ZFYVE28: variants seen among roughly 807,000 people sequenced by gnomAD.
ZFYVE28 encodes lateral signaling target protein 2 homolog.
In ZFYVE28, 40 loss-of-function variants were observed where a neutral mutation model predicts 82.1. The observed-to-expected ratio is 0.49, with a 90% CI of 0.38 to 0.63. ZFYVE28 has a LOEUF of 0.63. Among genes scored for constraint, ZFYVE28 ranks in the 30% least tolerant of loss-of-function variants. The pLI is 0.00. For missense variants in ZFYVE28, 1,321 were observed against 1,242.1 expected (o/e 1.06, Z -0.96); for synonymous variants, 612 against 546.1 (o/e 1.12, Z -1.68).
Position 2,269,776 on chromosome 4 carries a change from G to A in ZFYVE28, c.*949C>T, listed in dbSNP as rs1735764749. 1 of 152,192 alleles carries A rather than the reference G, an allele frequency of 6.6e-6. No homozygotes were observed. The highest frequency in any genetic ancestry group is 6.5e-5 in the Admixed American group (1 of 15,278). The allele number at this position is 152,192 out of a possible 1,614,324, so 9.4% of individuals were successfully genotyped here. ...ATTTATCCTAGAAAAGAAGCAGTAG[G>A]TGTGTCATCTCCAAAAATAAAACTG... On this transcript the variant is annotated 3_prime_UTR_variant, in exon 13 of 13. Transcript: ENST00000290974.
intron 1 of ZFYVE28, among the ~76,000 whole-genome samples, chr4:2,371,078 C>T (rs551568887): frequency 2.0e-5 from 3 of 152,266 alleles, no homozygotes; most frequent in South Asian, 4.1e-4. Context: ...TTTCGGGCCC[C>T]GCTCCTTAGG....
intron 1 of ZFYVE28, among the ~76,000 whole-genome samples, chr4:2,382,299 A>G (rs1274140058): frequency 6.6e-6 from 1 of 152,228 alleles, no homozygotes; most frequent in East Asian, 1.9e-4. Flanking sequence ...AGACCCCAGA[A>G]TGGTAGATCC....
At position 2,271,427 on chromosome 4, in the gene ZFYVE28, C is replaced by A; in HGVS notation, c.2429-13G>T. 1 of 1,611,218 alleles carries A rather than the reference C, an allele frequency of 6.2e-7. No individual in the cohort carries two copies. The highest frequency in any genetic ancestry group is 8.5e-7 in the Non-Finnish European group (1 of 1,178,790). ...CACTCCGGGGGGTCTGTCACAACAA[C>A]AGCAGCGTCACATCAGCGACGGCAG... On this transcript the variant is annotated splice_polypyrimidine_tract_variant and intron_variant, in intron 11 of 12. Transcript: ENST00000290974.
intron 7 of ZFYVE28, among the ~76,000 whole-genome samples, chr4:2,314,974 C>A (rs1389794894): frequency 3.9e-5 from 6 of 152,120 alleles, no homozygotes; most frequent in Non-Finnish European, 7.3e-5. Context: ...GAGAGCCTCA[C>A]TATGTTGTCC....
intron 6 of ZFYVE28, chr4:2,331,082 G>A (rs1720616308): frequency 3.2e-6 from 3 of 944,602 alleles, no homozygotes; most frequent in Non-Finnish European, 4.2e-6. Flanking sequence ...CGCTGGGATG[G>A]GCTGGAAGGA....
chr4:2,270,955 A>T, intron 12 of ZFYVE28, 99 bp from the exon 13 acceptor site: 1 of 1,508,536 alleles, frequency 6.6e-7, no homozygotes, highest in Non-Finnish European at 8.9e-7. Flanking sequence ...CTCAGGCCGC[A>T]TTGGTGGGTG....
intron 8 of ZFYVE28, among the ~76,000 whole-genome samples, chr4:2,291,741 C>T (rs2108811708): frequency 6.6e-6 from 1 of 152,338 alleles, no homozygotes; most frequent in South Asian, 2.1e-4. Context: ...GGCAGCCTGC[C>T]ACACTTGCCG....
At chr4:2,312,225 A>G (rs1289130763) in intron 7 of ZFYVE28, among the ~76,000 whole-genome samples, 3 of 152,146 alleles carry the variant, frequency 2.0e-5, no homozygotes, top group African/African-American at 7.2e-5. Flanking sequence ...GATATATCAT[A>G]TCTCTATTAT....
chr4:2,338,039 A>C (rs1722135270), intron 4 of ZFYVE28, among the ~76,000 whole-genome samples: 1 of 152,192 alleles, frequency 6.6e-6, no homozygotes, highest in Non-Finnish European at 1.5e-5. Context: ...ACCACCCTGG[A>C]CCCAGTGCTG....
intron 1 of ZFYVE28, among the ~76,000 whole-genome samples, chr4:2,382,711 T>C (rs1578329146): frequency 6.6e-6 from 1 of 152,186 alleles, no homozygotes; most frequent in African/African-American, 2.4e-5. Context: ...TGTGGACTTT[T>C]GGGTTAATGC....
intron 7 of ZFYVE28, among the ~76,000 whole-genome samples, chr4:2,315,626 T>G (rs1237968657): frequency 3.3e-5 from 5 of 152,238 alleles, no homozygotes; most frequent in Admixed American, 2.0e-4. Flanking sequence ...TTCCATTGTT[T>G]CTGTTCATTT....
intron 11 of ZFYVE28, 82 bp downstream of exon 11, chr4:2,271,593 C>A (rs1451826167): frequency 1.3e-6 from 2 of 1,501,118 alleles, no homozygotes; most frequent in Non-Finnish European, 1.8e-6. Context: ...TGCAGCCCCT[C>A]CCCCAGGAGG....
rs531365292 is a variant in ZFYVE28 at position 2,271,418 on chromosome 4, T to C, written c.2429-4A>G. 2.5e-6 allele frequency: 4 copies of C among 1,612,252 alleles called. No homozygotes were observed. The East Asian group carries it at 6.7e-5, about 27-fold the overall frequency. The stretch of plus-strand genomic sequence containing the variant: ...TCTGGCACCCACTCCGGGGGGTCTG[T>C]CACAACAACAGCAGCGTCACATCAG... On this transcript the variant is annotated splice_polypyrimidine_tract_variant and splice_region_variant and intron_variant, in intron 11 of 12. Transcript: ENST00000290974.
At chr4:2,396,759 ATCCTGCAGAGGGGACC>A (rs1730512554) in intron 1 of ZFYVE28, among the ~76,000 whole-genome samples, 1 of 145,484 alleles carries the variant, frequency 6.9e-6, no homozygotes. Context: ...GGGACCAGCC[ATCCTGCAGAGGGGACC>A]CAAGGCGGGG....
chr4:2,389,937 G>A (rs577785788), intron 1 of ZFYVE28, among the ~76,000 whole-genome samples: 3 of 152,328 alleles, frequency 2.0e-5, no homozygotes, highest in African/African-American at 7.2e-5. Context: ...TGGCTTGGAC[G>A]CCCAACGCCT....
intron 8 of ZFYVE28, among the ~76,000 whole-genome samples, chr4:2,297,535 G>A (rs1714780963): frequency 6.6e-6 from 1 of 152,248 alleles, no homozygotes; most frequent in South Asian, 2.1e-4. Context: ...TGCCACCCGG[G>A]ATAGCTGTCA....
intron 7 of ZFYVE28, among the ~76,000 whole-genome samples, chr4:2,313,695 G>A (rs1025042943): frequency 1.3e-5 from 2 of 152,170 alleles, no homozygotes; most frequent in East Asian, 3.9e-4. Context: ...GTGAAACCCA[G>A]TCTGTACTGA....
chr4:2,313,365 ATCC>A (rs1264809485), intron 7 of ZFYVE28, among the ~76,000 whole-genome samples: 3 of 152,008 alleles, frequency 2.0e-5, no homozygotes, highest in Non-Finnish European at 4.4e-5. Context: ...GGCTCAAGCC[ATCC>A]TCCTACCTCA....
intron 1 of ZFYVE28, among the ~76,000 whole-genome samples, chr4:2,360,389 T>TCACATA (rs1725962375): frequency 7.0e-6 from 1 of 143,290 alleles, no homozygotes; most frequent in African/African-American, 2.6e-5. Flanking sequence ...AGAGCTGTAA[T>TCACATA]CACACACACA....
Sources: allele counts gnomAD v4.1 joint callset (sites outside exome capture counted in the v4.1 genomes callset), GRCh38; gene constraint gnomAD v4.1.1; transcripts MANE v1.5; gene names NCBI Gene and HGNC (gene_info 2026-07-23, HGNC 2026-07-21).